The following PEX5L variants were observed in gnomAD, a reference collection of about 807,000 sequenced individuals.
PEX5L encodes PEX5-related protein.
A neutral mutation model predicts 84.0 loss-of-function variants in PEX5L; 30 were observed. The observed-to-expected ratio is 0.36, with a 90% CI of 0.27 to 0.48. The LOEUF is 0.48. Ranked by LOEUF, PEX5L falls within the 20% of genes least tolerant of loss-of-function variation. The pLI is 0.99. For synonymous variants in PEX5L, 270 were observed against 283.1 expected, an observed-to-expected ratio of 0.95 and a Z score of 0.46; for missense variants, 533 against 754.6, an observed-to-expected ratio of 0.71 and a Z score of 3.44.
intron 1 of PEX5L, among the ~76,000 whole-genome samples, chr3:180,031,541 T>A (rs972951912): frequency 6.6e-6 from 1 of 152,224 alleles, no homozygotes; most frequent in African/African-American, 2.4e-5. Context: ...TATTTGAAAT[T>A]ATATTTTTAG....
intron 1 of PEX5L, among the ~76,000 whole-genome samples, chr3:180,018,045 A>C (rs1332007684): frequency 6.6e-6 from 1 of 152,200 alleles, no homozygotes; most frequent in East Asian, 1.9e-4. Context: ...GTATAGCCAA[A>C]AGGCAAAGTG....
At chr3:179,880,373 A>G (rs922050650) in intron 4 of PEX5L, among the ~76,000 whole-genome samples, 3 of 152,206 alleles carry the variant, frequency 2.0e-5, no homozygotes, top group Non-Finnish European at 4.4e-5. Flanking sequence ...GAAGCTTTGA[A>G]TGAAATTAAA....
chr3:179,829,801 A>T (rs1731990709), intron 8 of PEX5L, among the ~76,000 whole-genome samples: 1 of 122,480 alleles, frequency 8.2e-6, no homozygotes. Flanking sequence ...TTTAAGACAG[A>T]GTTTTGCTCT....
chr3:179,842,694 G>T (rs1349424728), intron 8 of PEX5L, among the ~76,000 whole-genome samples: 2 of 152,034 alleles, frequency 1.3e-5, no homozygotes, highest in Non-Finnish European at 2.9e-5. Flanking sequence ...GAGTGATAGA[G>T]AAAAATCTGA....
chr3:179,873,046 T>C lies in PEX5L; in HGVS notation c.726+1281A>G, dbSNP rs915069177. Reference sequence around the variant, plus strand: ...CCTCTCTTGTGGAGGGTCAGGTGTTTGTAGGGGGCGCTGCTGGTGGCTTAG... The same window carrying C: ...CCTCTCTTGTGGAGGGTCAGGTGTTCGTAGGGGGCGCTGCTGGTGGCTTAG... On this transcript the variant is annotated intron_variant, in intron 7 of 14. Coordinates refer to ENST00000467460, the MANE Select transcript of PEX5L (RefSeq NM_016559.3). Among the ~76,000 whole-genome samples, 6 of 152,250 alleles carry C rather than the reference T, an allele frequency of 3.9e-5. No homozygotes were observed. The South Asian group carries it at 6.2e-4, about 16-fold the overall frequency.
At chr3:179,993,324 C>T (rs1433089493) in intron 1 of PEX5L, among the ~76,000 whole-genome samples, 3 of 152,032 alleles carry the variant, frequency 2.0e-5, no homozygotes, top group African/African-American at 7.2e-5. Flanking sequence ...TTGATAAATA[C>T]AGAAATGATT....
chr3:179,822,334 TG>T (rs1160091729), intron 8 of PEX5L, among the ~76,000 whole-genome samples: 4 of 152,236 alleles, frequency 2.6e-5, no homozygotes, highest in Non-Finnish European at 4.4e-5. Flanking sequence ...GCATTACCTT[TG>T]TTGCAGCTTG....
At chr3:179,973,969 G>A (rs745787003) in intron 1 of PEX5L, 22 of 985,120 alleles carry the variant, frequency 2.2e-5, no homozygotes, top group Middle Eastern at 5.2e-4. Flanking sequence ...CCATAACCCC[G>A]GGGGGATTAA....
At chr3:179,874,738 G>GTTTTTTT (rs3836472) in intron 6 of PEX5L, among the ~76,000 whole-genome samples, 47 of 45,968 alleles carry the variant, frequency 1.0e-3, no homozygotes, top group African/African-American at 3.3e-3. Flanking sequence ...TTTTTTTTTT[G>GTTTTTTT]TTTTTTTTTT....
At chr3:179,848,045 C>T (rs763623958) in intron 8 of PEX5L, among the ~76,000 whole-genome samples, 18 of 151,614 alleles carry the variant, frequency 1.2e-4, no homozygotes, top group Non-Finnish European at 1.9e-4. Flanking sequence ...CAAAACTATT[C>T]TAACCCCTGG....
intron 14 of PEX5L, among the ~76,000 whole-genome samples, chr3:179,807,268 T>G (rs1374787255): frequency 6.6e-6 from 1 of 152,214 alleles, no homozygotes; most frequent in East Asian, 1.9e-4. Flanking sequence ...GAAAGTCATT[T>G]TGCCAGGTCC....
chr3:180,003,562 CAATTT>C (rs1553926199), intron 1 of PEX5L, among the ~76,000 whole-genome samples: 1 of 151,948 alleles, frequency 6.6e-6, no homozygotes, highest in Non-Finnish European at 1.5e-5. Context: ...CTTATTTCAA[CAATTT>C]AATATAAAAT....
In PEX5L at chr3:179,949,217, T is replaced by A. The variant is rs191633857; in HGVS notation, c.93+22377A>T. Among the ~76,000 whole-genome samples the A allele has an allele frequency of 6.3e-3, 958 of 151,066 alleles. 11 individuals carry two copies. The highest frequency in any genetic ancestry group is 0.021 in the African/African-American group (868 of 41,218). On this transcript the variant is annotated intron_variant, in intron 2 of 14. Transcript: ENST00000467460. Reference sequence around the variant, plus strand: ...AGTACAGAACTGAAGAGTAGATTTTTAAAAAAAAAATAAGTAGTTTTAAAA... The same window carrying A: ...AGTACAGAACTGAAGAGTAGATTTTAAAAAAAAAAATAAGTAGTTTTAAAA...
At chr3:179,802,532 CAAAAAAAAAA>C (rs369244711) in intron 14 of PEX5L, among the ~76,000 whole-genome samples, 1 of 73,890 alleles carries the variant, frequency 1.4e-5, no homozygotes, top group Admixed American at 1.6e-4. Context: ...GAGACTGTCT[CAAAAAAAAAA>C]AAAAAAAAAA....
chr3:179,884,310 T>C (rs1020253785), intron 4 of PEX5L, among the ~76,000 whole-genome samples: 3 of 152,124 alleles, frequency 2.0e-5, no homozygotes, highest in Non-Finnish European at 2.9e-5. Context: ...GTGGGCCCAA[T>C]GTAATCACAA....
intron 3 of PEX5L, among the ~76,000 whole-genome samples, chr3:179,897,173 C>T (rs1178916717): frequency 6.6e-6 from 1 of 152,072 alleles, no homozygotes; most frequent in African/African-American, 2.4e-5. Flanking sequence ...CATAATTTAG[C>T]TTTTGATATA....
intron 2 of PEX5L, among the ~76,000 whole-genome samples, chr3:179,950,093 C>T (rs1268157108): frequency 5.3e-5 from 8 of 152,152 alleles, no homozygotes. Flanking sequence ...GGCACTGCCA[C>T]CTGAATTTTC....
chr3:179,815,926 C>T lies in PEX5L; in HGVS notation c.1018G>A (p.Gly340Arg). ...FEEGLKRLKE[G>R]DLPVTILFME... is the part of the protein sequence containing the mutation. ...AACAGGATGGTGACTGGCAGATCCC[C>T]TTCCTTCAGCCTTTTTAAGCCTTCT... is the stretch of plus-strand genomic sequence containing the variant. The change falls in exon 10 of 15, where the codon GGG becomes AGG. Residue 340 changes from glycine (G) to arginine (R), a missense_variant. Transcript: ENST00000467460. 3 of 1,614,184 alleles carry T rather than the reference C, an allele frequency of 1.9e-6. No individual in the cohort carries two copies. The highest frequency in any genetic ancestry group is 2.5e-6 in the Non-Finnish European group (3 of 1,180,012).
At chr3:179,931,361 G>A (rs961612967) in intron 2 of PEX5L, among the ~76,000 whole-genome samples, 1 of 152,162 alleles carries the variant, frequency 6.6e-6, no homozygotes, top group Non-Finnish European at 1.5e-5. Flanking sequence ...AGGAAACTGA[G>A]GACCACAGAG....
Sources: gnomAD v4.1 joint callset for allele counts (sites outside exome capture counted in the v4.1 genomes callset) on GRCh38, gnomAD v4.1.1 for gene constraint, MANE v1.5 for transcripts, NCBI Gene and HGNC (gene_info 2026-07-23, HGNC 2026-07-21) for gene names.